MAX: variants seen among roughly 807,000 people sequenced by gnomAD.
MAX encodes protein max.
MAX carries 3 observed loss-of-function variants against 22.3 expected under a neutral mutation model. That is an observed-to-expected ratio of 0.13 (90% CI 0.06 to 0.35). The LOEUF is 0.35. Ranked by LOEUF, MAX falls within the 10% of genes least tolerant of loss-of-function variation. MAX has a pLI of 1.00. For missense variants in MAX, 119 were observed against 209.4 expected (o/e 0.57, Z 2.66); for synonymous variants, 72 against 77.7 (o/e 0.93, Z 0.39).
chr14:65,063,505 C>T (rs903929924), intron 3 of MAX, among the ~76,000 whole-genome samples: 3 of 152,150 alleles, frequency 2.0e-5, no homozygotes, highest in Non-Finnish European at 4.4e-5. Context: ...CTGGCATATC[C>T]ATGAGACATC....
rs1743264918 is a variant in MAX at position 65,052,635 on chromosome 14, A to G, written c.171+41073T>C. 2.0e-5 allele frequency among the ~76,000 whole-genome samples: 3 copies of G among 152,248 alleles called. No individual in the cohort carries two copies. The South Asian group carries it at 6.2e-4, about 31-fold the overall frequency. On this transcript the variant is annotated intron_variant, in intron 3 of 3. Coordinates refer to the MAX transcript ENST00000341653. ...TTGTCAGTACCTTAGTAGTATTACCAGAATACCCAGTTTTTGCTAGGGTAT... is the reference window on the plus strand; with the variant it reads ...TTGTCAGTACCTTAGTAGTATTACCGGAATACCCAGTTTTTGCTAGGGTAT...
At chr14:65,048,526 GA>G (rs904088325) in intron 3 of MAX, among the ~76,000 whole-genome samples, 1 of 152,162 alleles carries the variant, frequency 6.6e-6, no homozygotes, top group African/African-American at 2.4e-5. Context: ...ATGTGTAAAT[GA>G]CAGTATTTGA....
At chr14:65,049,622 T>G (rs1316142653) in intron 3 of MAX, among the ~76,000 whole-genome samples, 1 of 152,186 alleles carries the variant, frequency 6.6e-6, no homozygotes, top group Non-Finnish European at 1.5e-5. Flanking sequence ...TCTATAGTTT[T>G]TTATATAATA....
At chr14:65,099,977 T>C (rs10151162) in intron 2 of MAX, among the ~76,000 whole-genome samples, 73,662 of 152,024 alleles carry the variant, frequency 0.48, 20,592 homozygotes, top group African/African-American at 0.78. Flanking sequence ...TTGCTTGCTC[T>C]AATGAAGAGC....
intron 3 of MAX, chr14:65,053,478 T>C (rs887329414): frequency 3.7e-5 from 30 of 810,884 alleles, no homozygotes; most frequent in Non-Finnish European, 4.6e-5. Flanking sequence ...TAGCGCTAGG[T>C]TGTATGGGAA....
rs2063576853 is a variant in MAX, at chr14:65,093,619, T to C, written c.171+89A>G. ...CTACCTGAATATCTCTGACTACATT[T>C]CCTTCCCAATAGGTGAGTGCTCTGC... is the stretch of plus-strand genomic sequence containing the variant. On this transcript the variant is annotated intron_variant, in intron 3 of 4. Transcript: ENST00000358664. The surrounding 1 kb of genome is among the most constrained non-coding windows in gnomAD (Gnocchi z 4.4). The C allele has an allele frequency of 2.5e-6, 2 of 786,568 alleles. No individual in the cohort carries two copies. The highest frequency in any genetic ancestry group is 4.6e-6 in the Non-Finnish European group (2 of 431,266). 48.7% of individuals were successfully genotyped at this position (786,568 alleles called of 1,614,324 possible). A position where few individuals can be genotyped will look rare whatever the true frequency, so the allele number is the denominator to read the frequency against.
chr14:65,046,423 A>C (rs1355321075), intron 3 of MAX, among the ~76,000 whole-genome samples: 4 of 152,226 alleles, frequency 2.6e-5, no homozygotes, highest in Admixed American at 2.6e-4. Flanking sequence ...TCCCAGGGAA[A>C]TGTGGAATGA....
In MAX at chr14:65,022,624, C is replaced by A. The variant is rs112578925; in HGVS notation, c.172-16340G>T. Among the ~76,000 whole-genome samples the A allele has an allele frequency of 2.2e-3, 334 of 152,054 alleles. 1 individual carries two copies. The highest frequency in any genetic ancestry group is 7.6e-3 in the African/African-American group (316 of 41,460). On this transcript the variant is annotated intron_variant, in intron 3 of 3. Transcript: ENST00000341653. ...TTAAGTGATCCTCCTGCCTTGGCCT[C>A]CCAAAGTCTAGGGATTACAGGCACG...
intron 3 of MAX, among the ~76,000 whole-genome samples, chr14:65,021,251 T>C (rs1159985159): frequency 2.0e-5 from 3 of 152,238 alleles, no homozygotes; most frequent in Admixed American, 6.5e-5. Context: ...GTTAAAGTTA[T>C]GTTTTTAGCT....
downstream of MAX, among the ~76,000 whole-genome samples, chr14:65,073,977 A>G (rs776593033): frequency 3.3e-5 from 5 of 152,206 alleles, no homozygotes; most frequent in South Asian, 1.0e-3. Context: ...AATACACTGG[A>G]GCCAGGGACT....
Position 65,025,757 on chromosome 14 carries a change from A to G in MAX, c.172-19473T>C, listed in dbSNP as rs116297102. Among the ~76,000 whole-genome samples, 837 of 152,304 alleles carry G rather than the reference A, an allele frequency of 5.5e-3. 6 individuals carry two copies. The highest frequency in any genetic ancestry group is 0.019 in the African/African-American group (809 of 41,560). ...TTGAGTCTGGGGAGGTTGAGGCTGC[A>G]GTGAGCCGTGATTATGCCGCTGTCC... On this transcript the variant is annotated intron_variant, in intron 3 of 3. Transcript: ENST00000341653.
chr14:65,006,633 C>T (rs954262227), intron 3 of MAX, among the ~76,000 whole-genome samples: 2 of 152,286 alleles, frequency 1.3e-5, no homozygotes, highest in East Asian at 1.9e-4. Flanking sequence ...CTCACCCGAT[C>T]GGGCTGAGTC....
chr14:65,040,967 A>G, intron 3 of MAX: 2 of 1,600,846 alleles, frequency 1.2e-6, no homozygotes, highest in South Asian at 2.2e-5. Context: ...GGTCATGGTG[A>G]TGTGATTGTA....
At position 65,032,325 on chromosome 14, in the gene MAX, T is replaced by C. The variant is rs1595060876; in HGVS notation, c.172-26041A>G. The C allele has an allele frequency of 3.6e-6, 1 of 279,986 alleles. No homozygotes were observed. The highest frequency in any genetic ancestry group is 6.7e-6 in the Non-Finnish European group (1 of 150,140). 17.3% of individuals were successfully genotyped at this position (279,986 alleles called of 1,614,324 possible). A position where few individuals can be genotyped will look rare whatever the true frequency, so the allele number is the denominator to read the frequency against. ...AGAAGAGCTGAATCCACTTTTGACATGAATTGATATGGCTGTTATTTCCTC... is the reference window on the plus strand; with the variant it reads ...AGAAGAGCTGAATCCACTTTTGACACGAATTGATATGGCTGTTATTTCCTC... On this transcript the variant is annotated intron_variant, in intron 3 of 3. Coordinates refer to the MAX transcript ENST00000341653. The surrounding 1 kb of genome is among the most constrained non-coding windows in gnomAD (Gnocchi z 5.0).
At chr14:65,045,738 T>G (rs1223113173) in intron 3 of MAX, among the ~76,000 whole-genome samples, 7 of 151,978 alleles carry the variant, frequency 4.6e-5, no homozygotes, top group African/African-American at 1.7e-4. Flanking sequence ...ATTTAGTTTC[T>G]TAATTTCCTT....
At chr14:65,100,846 A>G (rs2063810855) in intron 2 of MAX, among the ~76,000 whole-genome samples, 1 of 152,266 alleles carries the variant, frequency 6.6e-6, no homozygotes, top group Admixed American at 6.5e-5. Context: ...TACTGAGAAC[A>G]TTAATATCAA....
In MAX at chr14:65,011,948, A is replaced by T. The variant is rs1244119523; in HGVS notation, c.172-5664T>A. On this transcript the variant is annotated intron_variant, in intron 3 of 3. Transcript: ENST00000341653. This position sits in a 1 kb window ranked among gnomAD's most constrained non-coding sequence, Gnocchi z 4.0. ...CGAGGCTCAGATTTAAATTGCTTAT[A>T]GGATGGGGAGGCACAAAGATATCTG... Among the ~76,000 whole-genome samples the T allele has an allele frequency of 6.6e-6, 1 of 152,208 alleles. No homozygotes were observed. Among genetic ancestry groups the T allele is most frequent in the African/African-American group, 2.4e-5 (1 of 41,458 alleles).
At chr14:65,033,367 C>G (rs1208884370) in intron 3 of MAX, among the ~76,000 whole-genome samples, 1 of 152,004 alleles carries the variant, frequency 6.6e-6, no homozygotes, top group Non-Finnish European at 1.5e-5. Flanking sequence ...AGATAAACAC[C>G]AAATTTAGCA....
chr14:65,024,174 C>A (rs1283965962), intron 3 of MAX, among the ~76,000 whole-genome samples: 1 of 151,820 alleles, frequency 6.6e-6, no homozygotes, highest in African/African-American at 2.4e-5. Flanking sequence ...TTAGCAAGAT[C>A]CACAGGTAAT....
Sources: gnomAD v4.1 joint callset for allele counts (sites outside exome capture counted in the v4.1 genomes callset) on GRCh38, gnomAD v4.1.1 for gene constraint, Gnocchi (gnomAD v3.1) non-coding constraint, MANE v1.5 for transcripts, NCBI Gene and HGNC (gene_info 2026-07-23, HGNC 2026-07-21) for gene names.